Variants in DSC1 observed in about 807,000 individuals in gnomAD.
DSC1 encodes desmocollin-1.
A neutral mutation model predicts 98.8 loss-of-function variants in DSC1; 79 were observed. The observed-to-expected ratio is 0.80, with a 90% CI of 0.67 to 0.96. The LOEUF (loss-of-function observed/expected upper bound fraction) is 0.96, where lower values mean the gene tolerates loss of function less well. Ranked by LOEUF, DSC1 falls within the 50% of genes least tolerant of loss-of-function variation. The pLI is 0.00. For synonymous variants in DSC1, 405 were observed against 372.1 expected, an observed-to-expected ratio of 1.09 and a Z score of -1.02; for missense variants, 1,115 against 1,075.9, an observed-to-expected ratio of 1.04 and a Z score of -0.51.
At chr18:31,148,338 T>A (rs900464543) in intron 6 of DSC1, among the ~76,000 whole-genome samples, 160 bp downstream of exon 6, 3 of 152,122 alleles carry the variant, frequency 2.0e-5, no homozygotes, top group African/African-American at 7.2e-5. Context: ...TTAATAGCAA[T>A]GTCATATAAC....
intron 15 of DSC1, chr18:31,131,363 C>T (rs1177252613): frequency 3.5e-6 from 2 of 568,094 alleles, no homozygotes; most frequent in Non-Finnish European, 6.1e-6. Flanking sequence ...TTTGTAAACA[C>T]ATCTACATAT....
intron 11 of DSC1, among the ~76,000 whole-genome samples, chr18:31,138,592 G>C (rs1019185074): frequency 7.0e-6 from 1 of 143,266 alleles, no homozygotes; most frequent in Non-Finnish European, 1.5e-5. Context: ...TAATATCTGA[G>C]AACACATTGT....
rs1428558181 is a variant in DSC1, at chr18:31,156,786, A to G, written c.351+585T>C. 3.3e-5 allele frequency among the ~76,000 whole-genome samples: 5 copies of G among 152,204 alleles called. No individual in the cohort carries two copies. In the East Asian group the frequency reaches 9.6e-4, roughly 29 times the overall value. ...TGAAAATGAGATGTGAATTCCAGCA[A>G]CTTTTTCCTCCCTGCTTTCTGAACT... is the stretch of plus-strand genomic sequence containing the variant. On this transcript the variant is annotated intron_variant, in intron 3 of 15. Transcript: ENST00000257198.
In DSC1 at chr18:31,141,987, T is replaced by G; in HGVS notation, c.1260+12A>C. The G allele has an allele frequency of 6.3e-7, 1 of 1,590,574 alleles. No individual in the cohort carries two copies. The highest frequency in any genetic ancestry group is 8.5e-7 in the Non-Finnish European group (1 of 1,173,278). ...TATTTTAAAGCATAGCCTGATTATT[T>G]TATTTGTTTACCTTGACAACACACA... On this transcript the variant is annotated intron_variant, in intron 9 of 15. Transcript: ENST00000257198.
intron 1 of DSC1, among the ~76,000 whole-genome samples, chr18:31,161,412 T>G (rs1462993600): frequency 6.6e-6 from 1 of 151,974 alleles, no homozygotes; most frequent in South Asian, 2.1e-4. Context: ...TATAGTTATA[T>G]CCACACTTCC....
chr18:31,159,376 C>T (rs1261819861), intron 2 of DSC1, 69 bp downstream of exon 2: 4 of 1,539,340 alleles, frequency 2.6e-6, no homozygotes, highest in African/African-American at 2.7e-5. Context: ...TTATCCCAAA[C>T]TTTACAAGAG....
chr18:31,148,034 C>T (rs1477539926), intron 6 of DSC1, among the ~76,000 whole-genome samples: 3 of 152,080 alleles, frequency 2.0e-5, no homozygotes, highest in Non-Finnish European at 4.4e-5. Context: ...CCCTGGCCCA[C>T]GTGTAAATCC....
At chr18:31,140,581 G>T (rs911336666) in intron 9 of DSC1, among the ~76,000 whole-genome samples, 3 of 152,112 alleles carry the variant, frequency 2.0e-5, no homozygotes, top group African/African-American at 7.2e-5. Context: ...TAATAGAAAT[G>T]CAAGATAAGT....
At chr18:31,135,327 C>T (rs564284745) in intron 11 of DSC1, among the ~76,000 whole-genome samples, 5 of 152,226 alleles carry the variant, frequency 3.3e-5, no homozygotes, top group South Asian at 4.1e-4. Flanking sequence ...TTAAATGTCA[C>T]GTCCTCATGA....
rs551838854 is a variant in DSC1, at chr18:31,130,975, A to G, written c.2488-264T>C. ...TCACGCAACACATTTATAATTTCCCATTTGAACACAAAACATGTATATTTG... is the reference window on the plus strand; with the variant it reads ...TCACGCAACACATTTATAATTTCCCGTTTGAACACAAAACATGTATATTTG... On this transcript the variant is annotated intron_variant, in intron 15 of 15. Transcript: ENST00000257198. 8.4e-5 allele frequency: 70 copies of G among 834,550 alleles called. No homozygotes were observed. In the Middle Eastern group the frequency reaches 1.5e-3, roughly 18 times the overall value. 51.7% of individuals were successfully genotyped at this position (834,550 alleles called of 1,614,324 possible). A position where few individuals can be genotyped will look rare whatever the true frequency, so the allele number is the denominator to read the frequency against.
intron 9 of DSC1, among the ~76,000 whole-genome samples, chr18:31,140,899 G>A (rs1463175322): frequency 6.6e-6 from 1 of 152,150 alleles, no homozygotes; most frequent in African/African-American, 2.4e-5. Context: ...CCCAGGGCAA[G>A]GTAATTGAAT....
At chr18:31,147,291 C>T (rs1328213134) in intron 6 of DSC1, among the ~76,000 whole-genome samples, 1 of 151,948 alleles carries the variant, frequency 6.6e-6, no homozygotes, top group African/African-American at 2.4e-5. Context: ...ATTCAAATTA[C>T]GTACTGTTTC....
chr18:31,139,835 C>G lies in DSC1; in HGVS notation c.1576G>C (p.Asp526His), dbSNP rs372768585. The change falls in exon 11 of 16, where the codon GAC becomes CAC. Residue 526 changes from aspartate (D) to histidine (H), a missense_variant. Coordinates refer to ENST00000257198, the MANE Select transcript of DSC1 (RefSeq NM_024421.2). ...TCTAGTACTTTTAGAGTTCTCAAGT[C>G]GCCAGTGTGTTGATTAATTTCAAAC... ...NWFEINQHTG[D>H]LRTLKVLDRE... The G allele has an allele frequency of 1.9e-6, 3 of 1,611,730 alleles. No individual in the cohort carries two copies. The African/African-American group carries it at 4.0e-5, about 22-fold the overall frequency.
At chr18:31,133,395 T>G (rs999733202) in intron 13 of DSC1, among the ~76,000 whole-genome samples, 12 of 152,160 alleles carry the variant, frequency 7.9e-5, no homozygotes, top group African/African-American at 2.9e-4. Context: ...CCTCAGTGGC[T>G]CATATGACCA....
intron 9 of DSC1, among the ~76,000 whole-genome samples, chr18:31,141,568 T>C (rs954937016): frequency 1.3e-5 from 2 of 152,198 alleles, no homozygotes; most frequent in Admixed American, 6.5e-5. Flanking sequence ...TTCAATAGTC[T>C]CTTTTACAGA....
chr18:31,134,244 C>CT (rs60325074), intron 12 of DSC1, 114 bp from the exon 13 acceptor site: 39,439 of 1,009,320 alleles, frequency 0.039, 1 homozygote, highest in South Asian at 0.044. Context: ...TCGAATTTTT[C>CT]TTTTTTTTTT....
chr18:31,146,643 G>A (rs1045309828), intron 6 of DSC1, among the ~76,000 whole-genome samples: 1 of 152,036 alleles, frequency 6.6e-6, no homozygotes, highest in Non-Finnish European at 1.5e-5. Context: ...TCTGTTTTTA[G>A]TTCTTTGAGT....
chr18:31,133,808 A>C, intron 13 of DSC1, 83 bp downstream of exon 13: 3 of 1,356,622 alleles, frequency 2.2e-6, no homozygotes, highest in Non-Finnish European at 3.0e-6. Flanking sequence ...AAAGGCTATT[A>C]ATATAAAAAA....
At chr18:31,138,973 T>A (rs1471048228) in intron 11 of DSC1, among the ~76,000 whole-genome samples, 1 of 152,108 alleles carries the variant, frequency 6.6e-6, no homozygotes, top group East Asian at 1.9e-4. Flanking sequence ...TAGCTTCTAC[T>A]TATATTTTTA....
Sources: gnomAD v4.1 joint callset for allele counts (sites outside exome capture counted in the v4.1 genomes callset) on GRCh38, gnomAD v4.1.1 for gene constraint, MANE v1.5 for transcripts, NCBI Gene and HGNC (gene_info 2026-07-23, HGNC 2026-07-21) for gene names.